The following ZFAND3 variants were observed in gnomAD, a reference collection of about 807,000 sequenced individuals.
ZFAND3 encodes the protein zinc finger AN1-type containing 3, also known as AN1-type zinc finger protein 3.
Under a neutral mutation model 29.6 loss-of-function variants are expected in ZFAND3, and 10 were observed. The observed-to-expected ratio is 0.34, with a 90% CI of 0.21 to 0.57. The LOEUF is 0.57. ZFAND3 is among the 20% of genes least tolerant of loss of function. The pLI is 0.86. For synonymous variants in ZFAND3, 128 were observed against 112.6 expected (o/e 1.14, Z -0.87); for missense variants, 230 against 304.5 (o/e 0.76, Z 1.82).
At chr6:38,043,950 A>G (rs1305359247) in intron 2 of ZFAND3, among the ~76,000 whole-genome samples, 2 of 152,054 alleles carry the variant, frequency 1.3e-5, no homozygotes, top group African/African-American at 4.8e-5. Flanking sequence ...GCCCAAGTAG[A>G]TTATTTCTAA....
intron 1 of ZFAND3, among the ~76,000 whole-genome samples, chr6:37,844,171 G>A (rs887258410): frequency 6.6e-6 from 1 of 152,040 alleles, no homozygotes; most frequent in African/African-American, 2.4e-5. Context: ...TGATCTGCCC[G>A]CCTCGACCTC....
At chr6:38,140,067 T>A (rs1765918775) in intron 5 of ZFAND3, among the ~76,000 whole-genome samples, 1 of 152,238 alleles carries the variant, frequency 6.6e-6, no homozygotes, top group African/African-American at 2.4e-5. Context: ...ATGGTGGCCC[T>A]ATTCTCTTAG....
intron 5 of ZFAND3, among the ~76,000 whole-genome samples, chr6:38,126,180 A>G (rs1297642005): frequency 6.6e-6 from 1 of 152,220 alleles, no homozygotes. Context: ...ATATCAGTGG[A>G]TTCATACCTA....
chr6:38,067,187 C>T (rs938710092), intron 3 of ZFAND3, among the ~76,000 whole-genome samples: 1 of 152,188 alleles, frequency 6.6e-6, no homozygotes, highest in Non-Finnish European at 1.5e-5. Flanking sequence ...GTGGAACCCA[C>T]TTAGTGAAAA....
At chr6:38,021,689 T>C (rs553601552) in intron 2 of ZFAND3, among the ~76,000 whole-genome samples, 4 of 152,350 alleles carry the variant, frequency 2.6e-5, no homozygotes, top group South Asian at 2.1e-4. Flanking sequence ...GTTAATACTT[T>C]TCCTCTTCAC....
chr6:37,888,509 C>T (rs1765038825), intron 1 of ZFAND3, among the ~76,000 whole-genome samples: 1 of 152,004 alleles, frequency 6.6e-6, no homozygotes, highest in Non-Finnish European at 1.5e-5. Flanking sequence ...ATGTGCAATC[C>T]AAATTATGTG....
At chr6:38,025,295 A>G (rs1273182622) in intron 2 of ZFAND3, among the ~76,000 whole-genome samples, 1 of 152,184 alleles carries the variant, frequency 6.6e-6, no homozygotes, top group Non-Finnish European at 1.5e-5. Flanking sequence ...TCACATCAAT[A>G]CTTTTTCATA....
At chr6:37,860,655 T>TTTTTTG (rs553527543) in intron 1 of ZFAND3, among the ~76,000 whole-genome samples, 2 of 144,442 alleles carry the variant, frequency 1.4e-5, no homozygotes, top group South Asian at 2.2e-4. Context: ...TTTTTTTTTT[T>TTTTTTG]TTAAGTAGGT....
At chr6:38,020,811 A>G (rs921362382) in intron 2 of ZFAND3, among the ~76,000 whole-genome samples, 1 of 152,178 alleles carries the variant, frequency 6.6e-6, no homozygotes, top group Admixed American at 6.6e-5. Flanking sequence ...GGATATGTCC[A>G]CTACTTTCCA....
chr6:37,842,575 A>T (rs1764098516), intron 1 of ZFAND3, among the ~76,000 whole-genome samples: 1 of 152,094 alleles, frequency 6.6e-6, no homozygotes, highest in Admixed American at 6.6e-5. Flanking sequence ...GTTTATATAT[A>T]CCCTAATTTG....
rs548593708 is a variant in ZFAND3 at position 37,837,310 on chromosome 6, G to T, written c.71+17294G>T. Among the ~76,000 whole-genome samples, 89 of 152,322 alleles carry T rather than the reference G, an allele frequency of 5.8e-4. 3 individuals carry two copies. The South Asian group carries it at 0.018, about 30-fold the overall frequency. ...CATATTGGAATTATTAGAGGAGACA[G>T]TGTGAGGATTAAGGTCAAGTAGTTT... On this transcript the variant is annotated intron_variant, in intron 1 of 5. Transcript: ENST00000287218.
chr6:37,966,256 A>G (rs909607322), intron 2 of ZFAND3, among the ~76,000 whole-genome samples: 3 of 152,246 alleles, frequency 2.0e-5, no homozygotes, highest in Admixed American at 1.3e-4. Context: ...CTAAAAGTCT[A>G]TACAAATGCT....
At chr6:38,098,901 G>GT (rs1561998391) in intron 4 of ZFAND3, among the ~76,000 whole-genome samples, 1 of 151,876 alleles carries the variant, frequency 6.6e-6, no homozygotes, top group Admixed American at 6.6e-5. Flanking sequence ...TTTGTTTTTT[G>GT]TTTTTTGTTT....
chr6:37,928,953 C>T (rs1761540871), intron 1 of ZFAND3, among the ~76,000 whole-genome samples: 1 of 152,154 alleles, frequency 6.6e-6, no homozygotes, highest in South Asian at 2.1e-4. Context: ...TCTGTAGTTC[C>T]TAGCTTTGTG....
intron 4 of ZFAND3, among the ~76,000 whole-genome samples, chr6:38,108,588 G>A (rs1011508183): frequency 2.6e-5 from 4 of 152,182 alleles, no homozygotes; most frequent in African/African-American, 7.2e-5. Flanking sequence ...AGCATCTGGC[G>A]CAGAAAGAAG....
Position 37,867,313 on chromosome 6 carries a change from GA to G in ZFAND3, c.71+47302del, listed in dbSNP as rs559322480. Among the ~76,000 whole-genome samples the G allele has an allele frequency of 5.3e-4, 81 of 152,040 alleles. 1 individual carries two copies. In the South Asian group the frequency reaches 0.016, roughly 29 times the overall value. ...AGGCAACATTTATATTTTCGTGCGT[GA>G]AAAATTCATATGAATCACAGACAGA... On this transcript the variant is annotated intron_variant, in intron 1 of 5. Transcript: ENST00000287218.
At chr6:37,932,052 C>T (rs1402811042) in intron 2 of ZFAND3, among the ~76,000 whole-genome samples, 1 of 152,076 alleles carries the variant, frequency 6.6e-6, no homozygotes, top group Non-Finnish European at 1.5e-5. Context: ...GGGTGGACCA[C>T]GAGGTCTGGA....
At chr6:38,029,942 G>T (rs1460921272) in intron 2 of ZFAND3, among the ~76,000 whole-genome samples, 5 of 151,286 alleles carry the variant, frequency 3.3e-5, no homozygotes, top group Admixed American at 3.3e-4. Flanking sequence ...AAATTATTCT[G>T]TATTTAGTGC....
intron 1 of ZFAND3, among the ~76,000 whole-genome samples, chr6:37,919,966 C>T (rs1333334727): frequency 1.3e-5 from 2 of 150,080 alleles, no homozygotes; most frequent in Admixed American, 1.3e-4. Context: ...CTACATTCCT[C>T]TTTTGAAATC....
Sources: allele counts gnomAD v4.1 joint callset (sites outside exome capture counted in the v4.1 genomes callset), GRCh38; gene constraint gnomAD v4.1.1; transcripts MANE v1.5; gene names NCBI Gene and HGNC (gene_info 2026-07-23, HGNC 2026-07-21).